The following CYRIB variants were observed in gnomAD, a reference collection of about 807,000 sequenced individuals.
CYRIB encodes CYFIP related Rac1 interactor B, also known as CYFIP-related Rac1 interactor B.
CYRIB carries 8 observed loss-of-function variants against 44.2 expected under a neutral mutation model. That is an observed-to-expected ratio of 0.18 (90% CI 0.11 to 0.33). The LOEUF (loss-of-function observed/expected upper bound fraction) is 0.33. Among genes scored for constraint, CYRIB ranks in the 10% least tolerant of loss-of-function variants. The pLI is 1.00. For missense variants in CYRIB, 185 were observed against 382.8 expected (o/e 0.48, Z 4.31); for synonymous variants, 131 against 127.2 (o/e 1.03, Z -0.20).
chr8:129,881,588 C>G (rs1296752474), intron 2 of CYRIB, among the ~76,000 whole-genome samples: 2 of 152,192 alleles, frequency 1.3e-5, no homozygotes, highest in Non-Finnish European at 1.5e-5. Context: ...AGGTCAAAGT[C>G]TGATGTACGG....
intron 1 of CYRIB, among the ~76,000 whole-genome samples, chr8:129,981,141 T>TC (rs2096223521): frequency 6.6e-6 from 1 of 151,660 alleles, no homozygotes; most frequent in South Asian, 2.1e-4. Flanking sequence ...AGCCCCCCAT[T>TC]CCCCACCTTT....
intron 1 of CYRIB, among the ~76,000 whole-genome samples, chr8:129,928,997 A>G (rs925849678): frequency 2.6e-5 from 4 of 152,258 alleles, no homozygotes; most frequent in Admixed American, 6.5e-5. Context: ...TGTTCACAGC[A>G]GCATTATTTA....
chr8:129,900,384 T>A (rs1402665029), intron 2 of CYRIB, among the ~76,000 whole-genome samples: 2 of 152,194 alleles, frequency 1.3e-5, no homozygotes. Flanking sequence ...CTGTTTTTGC[T>A]GTTAATCAAA....
rs149265779 is a variant in CYRIB at position 129,964,373 on chromosome 8, A to C, written c.-243+6570T>G. Among the ~76,000 whole-genome samples, 66 of 152,378 alleles carry C rather than the reference A, an allele frequency of 4.3e-4. 1 individual carries two copies. The East Asian group carries it at 7.1e-3, about 16-fold the overall frequency. Reference sequence around the variant, plus strand: ...AAAGAATCTTACAGTTGGAAAAATTAGTACTGACTGAATACTTCCATGTGG... The same window carrying C: ...AAAGAATCTTACAGTTGGAAAAATTCGTACTGACTGAATACTTCCATGTGG... On this transcript the variant is annotated intron_variant, in intron 2 of 14. Transcript: ENST00000401979.
chr8:130,008,976 C>A (rs2097163665), intron 1 of CYRIB, among the ~76,000 whole-genome samples: 1 of 152,152 alleles, frequency 6.6e-6, no homozygotes, highest in African/African-American at 2.4e-5. Flanking sequence ...GCTCTGTAGA[C>A]CAGGGACTCA....
At chr8:129,854,456 T>C (rs1430096422) in intron 6 of CYRIB, 113 bp from the exon 9 acceptor site, 2 of 715,544 alleles carry the variant, frequency 2.8e-6, no homozygotes, top group South Asian at 2.0e-5. Flanking sequence ...ATTCATAGTA[T>C]CATTTTAAGA....
chr8:130,014,227 GC>G (rs1167093044), intron 1 of CYRIB, among the ~76,000 whole-genome samples: 1 of 152,166 alleles, frequency 6.6e-6, no homozygotes, highest in African/African-American at 2.4e-5. Context: ...GATCCCTTGA[GC>G]CCAGGAGTTC....
rs2076958534 is a variant in CYRIB, at chr8:129,909,446, T to G, written c.-49-6096A>C. Among the ~76,000 whole-genome samples the G allele has an allele frequency of 2.0e-5, 3 of 152,206 alleles. No homozygotes were observed. In the South Asian group the frequency reaches 6.2e-4, roughly 31 times the overall value. On this transcript the variant is annotated intron_variant, in intron 1 of 11. Transcript: ENST00000519824. ...ATATTTTTATACAATTTAACACCCT[T>G]TCTTTGTATTTGTACTGCTTTTTAT...
At chr8:129,872,864 C>T (rs1254604340) in intron 3 of CYRIB, among the ~76,000 whole-genome samples, 1 of 151,986 alleles carries the variant, frequency 6.6e-6, no homozygotes, top group African/African-American at 2.4e-5. Flanking sequence ...CACCTCACCA[C>T]AAATACACAA....
At chr8:130,009,429 A>G (rs1186932184) in intron 1 of CYRIB, among the ~76,000 whole-genome samples, 2 of 151,932 alleles carry the variant, frequency 1.3e-5, no homozygotes, top group Non-Finnish European at 2.9e-5. Context: ...CAACACGCCC[A>G]GCTAATTTTT....
rs2097242189 is a variant in CYRIB at position 130,012,289 on chromosome 8, T to A, written c.-296+4081A>T. ...AAGCTCTGGTACAATTATCTTTCCA[T>A]TCAGCGGAAGCGCCACACAAAAGTC... On this transcript the variant is annotated intron_variant, in intron 1 of 14. Coordinates refer to the CYRIB transcript ENST00000401979. 2.0e-5 allele frequency among the ~76,000 whole-genome samples: 3 copies of A among 152,202 alleles called. No homozygotes were observed. The South Asian group carries it at 6.2e-4, about 31-fold the overall frequency.
chr8:129,870,318 GA>G (rs2056617659), intron 4 of CYRIB, among the ~76,000 whole-genome samples: 1 of 152,236 alleles, frequency 6.6e-6, no homozygotes, highest in Non-Finnish European at 1.5e-5. Context: ...ACTGAGGCAA[GA>G]CGATCACTTG....
At chr8:129,856,774 G>C (rs2046418839) in intron 5 of CYRIB, among the ~76,000 whole-genome samples, 2 of 152,130 alleles carry the variant, frequency 1.3e-5, no homozygotes, top group South Asian at 4.1e-4. Context: ...CATTCCAGAT[G>C]GATCAAATGA....
intron 1 of CYRIB, among the ~76,000 whole-genome samples, chr8:129,996,749 T>G (rs1247577958): frequency 6.6e-6 from 1 of 152,062 alleles, no homozygotes; most frequent in Non-Finnish European, 1.5e-5. Flanking sequence ...GAATTCCATC[T>G]CTCTTCCTGT....
chr8:129,981,138 C>G (rs944730328), intron 1 of CYRIB, among the ~76,000 whole-genome samples: 6 of 152,152 alleles, frequency 3.9e-5, no homozygotes, highest in Admixed American at 1.3e-4. Context: ...GTTAGCCCCC[C>G]ATTCCCCACC....
intron 1 of CYRIB, among the ~76,000 whole-genome samples, chr8:130,002,758 T>C (rs2096936356): frequency 6.6e-6 from 1 of 152,224 alleles, no homozygotes; most frequent in African/African-American, 2.4e-5. Context: ...AAGTACGTGG[T>C]TACTGTCAGA....
chr8:129,999,127 G>C (rs555604307), intron 1 of CYRIB, among the ~76,000 whole-genome samples: 1 of 151,686 alleles, frequency 6.6e-6, no homozygotes, highest in African/African-American at 2.4e-5. Flanking sequence ...TGAGAATAAC[G>C]TGGGGGGGGT....
intron 2 of CYRIB, among the ~76,000 whole-genome samples, chr8:129,883,450 T>C (rs2061554211): frequency 1.3e-5 from 2 of 152,188 alleles, no homozygotes; most frequent in Admixed American, 1.3e-4. Context: ...AGGCAGCTCA[T>C]ATCACAATGT....
chr8:129,987,568 C>CTTTTTTTTTT (rs34876735), intron 1 of CYRIB, among the ~76,000 whole-genome samples: 2 of 127,024 alleles, frequency 1.6e-5, no homozygotes, highest in Admixed American at 7.9e-5. Context: ...TTTTTTTTTT[C>CTTTTTTTTTT]TTTTTTTTTT....
Sources: gnomAD v4.1 joint callset for allele counts (sites outside exome capture counted in the v4.1 genomes callset) on GRCh38, gnomAD v4.1.1 for gene constraint, MANE v1.5 for transcripts, NCBI Gene and HGNC (gene_info 2026-07-23, HGNC 2026-07-21) for gene names.